The following HEMK1 variants were observed in gnomAD, a reference collection of about 807,000 sequenced individuals.
The protein encoded by HEMK1 is HemK methyltransferase 1, mitochondrial release factors N(5)-glutamine, also known as MTRF1L release factor glutamine methyltransferase.
Under a neutral mutation model 47.9 loss-of-function variants are expected in HEMK1, and 36 were observed. That is an observed-to-expected ratio of 0.75 (90% CI 0.58 to 0.99). The LOEUF (loss-of-function observed/expected upper bound fraction) is 0.99. Among genes scored for constraint, HEMK1 ranks in the 50% least tolerant of loss-of-function variants. HEMK1 has a pLI of 0.00. For missense variants in HEMK1, 383 were observed against 434.5 expected (o/e 0.88, Z 1.05); for synonymous variants, 153 against 165.4 (o/e 0.93, Z 0.57).
rs770661759 is a variant in HEMK1 at position 50,579,957 on chromosome 3, C to G, written c.866+18C>G. The G allele has an allele frequency of 1.3e-6, 2 of 1,599,032 alleles. No homozygotes were observed. The highest frequency in any genetic ancestry group is 1.7e-6 in the Non-Finnish European group (2 of 1,166,754). ...GACTCTGGGTATGAATGGGATGGGT[C>G]TCCTAGGTCTGTCCCCAGCAGGCTC... is the stretch of plus-strand genomic sequence containing the variant. On this transcript the variant is annotated intron_variant, in intron 9 of 10. Coordinates refer to ENST00000232854, the MANE Select transcript of HEMK1 (RefSeq NM_016173.5).
rs2107518300 is a variant in HEMK1 at position 50,583,461 on chromosome 3, A to T, written c.*3044A>T. ...AGAGGTGGGGGAGGACAACTGTGGG[A>T]AAAGCCCTGGGGGCCCCTCCCAAGG... On this transcript the variant is annotated 3_prime_UTR_variant, in exon 11 of 11. Coordinates refer to ENST00000232854, the MANE Select transcript of HEMK1 (RefSeq NM_016173.5). 3 of 152,380 alleles carry T rather than the reference A, an allele frequency of 2.0e-5. No individual in the cohort carries two copies. Among genetic ancestry groups the T allele is most frequent in the Admixed American group, 2.0e-4 (3 of 15,298 alleles). 9.4% of individuals were successfully genotyped at this position (152,380 alleles called of 1,614,324 possible).
chr3:50,577,427 G>A (rs1226418487), intron 5 of HEMK1, 82 bp from the exon 6 acceptor site: 3 of 1,368,098 alleles, frequency 2.2e-6, no homozygotes, highest in Non-Finnish European at 3.1e-6. Flanking sequence ...GTGGGGGGTT[G>A]GAGGAGGGTC....
rs1283062764 is a variant in HEMK1 at position 50,590,738 on chromosome 3, C to A, written c.*10321C>A. On this transcript the variant is annotated 3_prime_UTR_variant, in exon 11 of 11. Coordinates refer to ENST00000232854, the MANE Select transcript of HEMK1 (RefSeq NM_016173.5). ...ATCTGTCACAGCAAATCAATCTGGG[C>A]CACATGCTCCTGAAAGGTCCTTGGG... 1 of 152,182 alleles carries A rather than the reference C, an allele frequency of 6.6e-6. No individual in the cohort carries two copies. The highest frequency in any genetic ancestry group is 1.5e-5 in the Non-Finnish European group (1 of 68,070). The allele number at this position is 152,182 out of a possible 1,614,324, so 9.4% of individuals were successfully genotyped here.
rs539042675 is a variant in HEMK1 at position 50,573,869 on chromosome 3, G to C, written c.414+1661G>C. Among the ~76,000 whole-genome samples, 27 of 152,350 alleles carry C rather than the reference G, an allele frequency of 1.8e-4. 1 individual carries two copies. The South Asian group carries it at 5.4e-3, about 30-fold the overall frequency. On this transcript the variant is annotated intron_variant, in intron 4 of 10. Transcript: ENST00000232854. Reference sequence around the variant, plus strand: ...AGGTGGTTCAGCCCCTGGCCTGGCAGTGAATACAGTAGGAAACTCAGGGCT... The same window carrying C: ...AGGTGGTTCAGCCCCTGGCCTGGCACTGAATACAGTAGGAAACTCAGGGCT...
rs748322788 is a variant in HEMK1, at chr3:50,577,206, C to T, written c.549+20C>T. 3 of 1,597,272 alleles carry T rather than the reference C, an allele frequency of 1.9e-6. No individual in the cohort carries two copies. In the South Asian group the frequency reaches 3.3e-5, roughly 18 times the overall value. On this transcript the variant is annotated intron_variant, in intron 5 of 10. Coordinates refer to ENST00000232854, the MANE Select transcript of HEMK1 (RefSeq NM_016173.5). ...CCCCAGGTGAGCCCCTCCACCCACT[C>T]TGGATAGACTGTGACTGACACTCAC...
chr3:50,580,163 G>A lies in HEMK1; in HGVS notation c.914G>A (p.Ser305Asn), dbSNP rs1169830052. ...CCAAGGCACCCGGAGCTTGTCAGCA[G>A]CTGGCTTCAGAGCCGGCCTGACCTG... is the stretch of plus-strand genomic sequence containing the variant. ...VDPRHPELVS[S>N]WLQSRPDLYL... The change falls in exon 10 of 11, where the codon AGC (serine) becomes AAC (asparagine). Residue 305 changes from serine to asparagine, a missense_variant. By Grantham distance (46) the Ser-to-Asn change is conservative. Coordinates refer to ENST00000232854, the MANE Select transcript of HEMK1 (RefSeq NM_016173.5). The A allele has an allele frequency of 4.3e-6, 7 of 1,613,664 alleles. No homozygotes were observed. In the East Asian group the frequency reaches 1.6e-4, roughly 36 times the overall value.
At chr3:50,572,249 TGGA>T in intron 4 of HEMK1, 41 bp downstream of exon 4, 9 of 1,570,006 alleles carry the variant, frequency 5.7e-6, no homozygotes, top group Non-Finnish European at 7.8e-6. Flanking sequence ...AGGATGATGG[TGGA>T]GTTCAGGGCA....
Position 50,571,137 on chromosome 3 carries a change from C to G in HEMK1, c.33C>G (p.Leu11=), listed in dbSNP as rs909218513. The part of the protein sequence containing the change: MELWGRMLWA[L]LSGPGRRGST... The stretch of plus-strand genomic sequence containing the variant: ...TTTGGGGCCGAATGCTGTGGGCCCT[C>G]CTGTCTGGCCCAGGGAGGAGGGGAA... The change falls in exon 2 of 11, where the codon CTC becomes CTG. Residue 11 remains leucine, a synonymous_variant. Transcript: ENST00000232854. The G allele has an allele frequency of 6.2e-7, 1 of 1,610,150 alleles. No homozygotes were observed. Among genetic ancestry groups the G allele is most frequent in the African/African-American group, 1.3e-5 (1 of 74,756 alleles).
At position 50,579,957 on chromosome 3, in the gene HEMK1, C is replaced by T. The variant is rs770661759; in HGVS notation, c.866+18C>T. Reference sequence around the variant, plus strand: ...GACTCTGGGTATGAATGGGATGGGTCTCCTAGGTCTGTCCCCAGCAGGCTC... The same window carrying T: ...GACTCTGGGTATGAATGGGATGGGTTTCCTAGGTCTGTCCCCAGCAGGCTC... On this transcript the variant is annotated intron_variant, in intron 9 of 10. Coordinates refer to ENST00000232854, the MANE Select transcript of HEMK1 (RefSeq NM_016173.5). The T allele has an allele frequency of 5.0e-6, 8 of 1,599,032 alleles. No individual in the cohort carries two copies. The East Asian group carries it at 1.8e-4, about 36-fold the overall frequency.
chr3:50,587,362 C>T lies in HEMK1; in HGVS notation c.*6945C>T, dbSNP rs1210018448. 2 of 152,188 alleles carry T rather than the reference C, an allele frequency of 1.3e-5. No homozygotes were observed. The highest frequency in any genetic ancestry group is 2.9e-5 in the Non-Finnish European group (2 of 68,068). The allele number at this position is 152,188 out of a possible 1,614,324, so 9.4% of individuals were successfully genotyped here. On this transcript the variant is annotated 3_prime_UTR_variant, in exon 11 of 11. Coordinates refer to ENST00000232854, the MANE Select transcript of HEMK1 (RefSeq NM_016173.5). This position sits in a 1 kb window ranked among gnomAD's most constrained non-coding sequence, Gnocchi z 4.2. ...GTGTCAGGCACCAGGGAGATGATAC[C>T]AAGTGGAGGGTCCTATAGAATATGG... is the stretch of plus-strand genomic sequence containing the variant.
At chr3:50,577,434 G>T (rs1701704283) in intron 5 of HEMK1, 75 bp from the exon 6 acceptor site, 16 of 1,428,634 alleles carry the variant, frequency 1.1e-5, no homozygotes, top group Non-Finnish European at 1.6e-5. Flanking sequence ...GTTGGAGGAG[G>T]GTCCCCCAGG....
At position 50,595,822 on chromosome 3, in the gene HEMK1, G is replaced by T. The variant is rs913792300; in HGVS notation, c.*15405G>T. The T allele has an allele frequency of 5.3e-5, 8 of 152,138 alleles. No homozygotes were observed. Among genetic ancestry groups the T allele is most frequent in the South Asian group, 4.1e-4 (2 of 4,828 alleles). The allele number at this position is 152,138 out of a possible 1,614,324, so 9.4% of individuals were successfully genotyped here. A position where few individuals can be genotyped will look rare whatever the true frequency, so the allele number is the denominator to read the frequency against. ...CTATATAGGCATCGATGTATTTCTG[G>T]GGTGACTCTCTTTCCTCCAGACCTC... On this transcript the variant is annotated 3_prime_UTR_variant, in exon 11 of 11. Coordinates refer to ENST00000232854, the MANE Select transcript of HEMK1 (RefSeq NM_016173.5).
At chr3:50,578,577 AAGG>A (rs1202720827) in intron 7 of HEMK1, among the ~76,000 whole-genome samples, 1 of 152,164 alleles carries the variant, frequency 6.6e-6, no homozygotes, top group Non-Finnish European at 1.5e-5. Flanking sequence ...CTTGCATAAT[AAGG>A]AGGATTTTTG....
intron 8 of HEMK1, 75 bp downstream of exon 8, chr3:50,579,001 C>T: frequency 9.2e-7 from 1 of 1,090,340 alleles, no homozygotes; most frequent in South Asian, 1.4e-5. Flanking sequence ...GAGGACCACA[C>T]CATCTGGAGG....
chr3:50,574,626 A>T (rs1315251599), intron 4 of HEMK1, among the ~76,000 whole-genome samples: 1 of 152,002 alleles, frequency 6.6e-6, no homozygotes, highest in Non-Finnish European at 1.5e-5. Context: ...CACCCTACCA[A>T]CCTCTCAGCT....
rs1189993427 is a variant in HEMK1, at chr3:50,580,146, C to T, written c.897C>T (p.His299=). Residue 299 remains histidine (H), a synonymous_variant, in exon 10 of 11, where the codon CAC becomes CAT. Coordinates refer to ENST00000232854, the MANE Select transcript of HEMK1 (RefSeq NM_016173.5). ...GSIFLEVDPR[H]PELVSSWLQS... is the part of the protein sequence containing the mutation. Reference sequence around the variant, plus strand: ...TCTTCTTAGAAGTGGACCCAAGGCACCCGGAGCTTGTCAGCAGCTGGCTTC... The same window carrying T: ...TCTTCTTAGAAGTGGACCCAAGGCATCCGGAGCTTGTCAGCAGCTGGCTTC... 5 of 1,614,036 alleles carry T rather than the reference C, an allele frequency of 3.1e-6. No homozygotes were observed. The highest frequency in any genetic ancestry group is 2.2e-5 in the East Asian group (1 of 44,902).
At position 50,588,454 on chromosome 3, in the gene HEMK1, C is replaced by T. The variant is rs929679324; in HGVS notation, c.*8037C>T. 8.5e-5 allele frequency: 13 copies of T among 152,260 alleles called. No homozygotes were observed. Among genetic ancestry groups the T allele is most frequent in the Admixed American group, 5.2e-4 (8 of 15,276 alleles). 9.4% of individuals were successfully genotyped at this position (152,260 alleles called of 1,614,324 possible). A position where few individuals can be genotyped will look rare whatever the true frequency, so the allele number is the denominator to read the frequency against. On this transcript the variant is annotated 3_prime_UTR_variant, in exon 11 of 11. Transcript: ENST00000232854. ...CAGGGCCTCAACCCCCCAGAGGGGC[C>T]TCAGGAGCCAGTTAGGTGCCCCACA...
At chr3:50,580,023 C>G (rs1341746692) in intron 9 of HEMK1, 84 bp downstream of exon 9, 1 of 1,515,026 alleles carries the variant, frequency 6.6e-7, no homozygotes, top group Non-Finnish European at 9.2e-7. Context: ...TGGCAGAGGT[C>G]AGCACAGGAC....
In HEMK1 at chr3:50,586,245, A is replaced by T. The variant is rs1894459; in HGVS notation, c.*5828A>T. On this transcript the variant is annotated 3_prime_UTR_variant, in exon 11 of 11. Transcript: ENST00000232854. ...TCATAACCAGAAATCAGAAGCTTCAAATTCTAGAGGCCCCTTTTCTTCCAA... is the reference window on the plus strand; with the variant it reads ...TCATAACCAGAAATCAGAAGCTTCATATTCTAGAGGCCCCTTTTCTTCCAA... 6.6e-6 allele frequency: 1 copy of T among 152,222 alleles called. No homozygotes were observed. Among genetic ancestry groups the T allele is most frequent in the Non-Finnish European group, 1.5e-5 (1 of 68,048 alleles). The allele number at this position is 152,222 out of a possible 1,614,324, so 9.4% of individuals were successfully genotyped here.
Sources: allele counts gnomAD v4.1 joint callset (sites outside exome capture counted in the v4.1 genomes callset), GRCh38; gene constraint gnomAD v4.1.1; non-coding constraint Gnocchi (gnomAD v3.1); transcripts MANE v1.5; gene names NCBI Gene and HGNC (gene_info 2026-07-23, HGNC 2026-07-21).